Variants in KCNT2 observed in about 807,000 individuals in gnomAD.
KCNT2 encodes the protein potassium channel subfamily T member 2.
A neutral mutation model predicts 153.8 loss-of-function variants in KCNT2; 67 were observed. That is an observed-to-expected ratio of 0.44 (90% CI 0.36 to 0.53). The LOEUF (loss-of-function observed/expected upper bound fraction) is 0.53. Ranked by LOEUF, KCNT2 falls within the 20% of genes least tolerant of loss-of-function variation. The pLI is 0.00. For missense variants in KCNT2, 975 were observed against 1,354.8 expected (o/e 0.72, Z 4.40); for synonymous variants, 500 against 458.8 (o/e 1.09, Z -1.15).
chr1:196,589,925 T>C (rs538332155), intron 1 of KCNT2, among the ~76,000 whole-genome samples: 22 of 152,312 alleles, frequency 1.4e-4, no homozygotes, highest in Middle Eastern at 3.4e-3. Context: ...ACTTTCCTCT[T>C]GCTTTTTTCA....
chr1:196,338,276 A>G (rs1572089231), intron 16 of KCNT2, among the ~76,000 whole-genome samples: 1 of 152,088 alleles, frequency 6.6e-6, no homozygotes, highest in South Asian at 2.1e-4. Context: ...AAAATATATT[A>G]GTGAAGATTG....
chr1:196,434,438 C>A (rs1410169861), intron 8 of KCNT2, among the ~76,000 whole-genome samples: 2 of 151,878 alleles, frequency 1.3e-5, no homozygotes, highest in Admixed American at 6.6e-5. Flanking sequence ...CCAAAAAAGT[C>A]TCCTACTGTG....
chr1:196,543,504 C>A (rs1180495449), intron 1 of KCNT2, among the ~76,000 whole-genome samples: 1 of 151,998 alleles, frequency 6.6e-6, no homozygotes, highest in African/African-American at 2.4e-5. Flanking sequence ...AAAAGAAAAT[C>A]TTGGGAAATA....
intron 13 of KCNT2, among the ~76,000 whole-genome samples, chr1:196,377,264 C>A (rs965466805): frequency 6.6e-6 from 1 of 151,776 alleles, no homozygotes. Flanking sequence ...GATAGTATGA[C>A]CAAGCAGTGT....
intron 1 of KCNT2, among the ~76,000 whole-genome samples, chr1:196,559,022 T>A (rs1659048973): frequency 6.6e-6 from 1 of 151,378 alleles, no homozygotes; most frequent in Non-Finnish European, 1.5e-5. Flanking sequence ...CTAAATTTGT[T>A]TTAAAAGGTA....
intron 8 of KCNT2, among the ~76,000 whole-genome samples, chr1:196,435,139 GTATA>G (rs1166021273): frequency 0.048 from 2,180 of 45,588 alleles, 59 homozygotes; most frequent in African/African-American, 0.11. Context: ...GTGTGTGTAT[GTATA>G]TATATATATA....
intron 1 of KCNT2, among the ~76,000 whole-genome samples, chr1:196,546,886 G>A (rs1174936777): frequency 1.3e-5 from 2 of 151,844 alleles, no homozygotes; most frequent in Non-Finnish European, 2.9e-5. Flanking sequence ...CACATATTCT[G>A]GTAAAGGTAC....
chr1:196,350,582 C>A (rs922500692), intron 14 of KCNT2, among the ~76,000 whole-genome samples: 5 of 152,124 alleles, frequency 3.3e-5, no homozygotes, highest in African/African-American at 1.2e-4. Flanking sequence ...TGTTTGAGTT[C>A]ATTGTAGATT....
At chr1:196,469,782 A>C (rs1216438581) in intron 5 of KCNT2, among the ~76,000 whole-genome samples, 1 of 152,208 alleles carries the variant, frequency 6.6e-6, no homozygotes, top group Non-Finnish European at 1.5e-5. Flanking sequence ...TAACATTAAG[A>C]GGTCACCACT....
At chr1:196,559,013 T>C (rs1659048059) in intron 1 of KCNT2, among the ~76,000 whole-genome samples, 1 of 151,366 alleles carries the variant, frequency 6.6e-6, no homozygotes, top group South Asian at 2.1e-4. Flanking sequence ...AAGTCACACC[T>C]AAATTTGTTT....
chr1:196,385,841 T>C (rs1161211316), intron 13 of KCNT2, among the ~76,000 whole-genome samples: 3 of 151,846 alleles, frequency 2.0e-5, no homozygotes, highest in African/African-American at 7.3e-5. Context: ...ATATAATCTG[T>C]CTGTGGTAGC....
chr1:196,310,990 G>A lies in KCNT2; in HGVS notation c.2483+4902C>T, dbSNP rs150572624. ...GTCACTACCAGGATCTCAGAGCTTCGTATATGCTGCCGCCATATGGAATGT... is the reference window on the plus strand; with the variant it reads ...GTCACTACCAGGATCTCAGAGCTTCATATATGCTGCCGCCATATGGAATGT... On this transcript the variant is annotated intron_variant, in intron 21 of 27. Transcript: ENST00000294725. 1.7e-3 allele frequency among the ~76,000 whole-genome samples: 256 copies of A among 151,780 alleles called. 1 individual carries two copies. Among genetic ancestry groups the A allele is most frequent in the African/African-American group, 5.5e-3 (228 of 41,444 alleles).
At chr1:196,403,770 G>T (rs1241808515) in intron 12 of KCNT2, among the ~76,000 whole-genome samples, 1 of 151,524 alleles carries the variant, frequency 6.6e-6, no homozygotes, top group Non-Finnish European at 1.5e-5. Context: ...TAAAAAGTAA[G>T]TGAGAAAAGC....
At chr1:196,244,055 C>T (rs1182086609) in intron 26 of KCNT2, among the ~76,000 whole-genome samples, 3 of 152,046 alleles carry the variant, frequency 2.0e-5, no homozygotes, top group South Asian at 2.1e-4. Context: ...ATTCCAGGCT[C>T]TAGCTCCCAG....
intron 26 of KCNT2, among the ~76,000 whole-genome samples, chr1:196,240,604 G>T (rs914914345): frequency 6.6e-6 from 1 of 151,938 alleles, no homozygotes; most frequent in Non-Finnish European, 1.5e-5. Flanking sequence ...CAGATAGAAG[G>T]GCAAATGGCA....
intron 12 of KCNT2, among the ~76,000 whole-genome samples, chr1:196,412,841 C>T (rs1227842830): frequency 6.6e-6 from 1 of 151,642 alleles, no homozygotes; most frequent in Non-Finnish European, 1.5e-5. Context: ...TAAATAATGG[C>T]AGACATCCTC....
chr1:196,507,470 A>G (rs915057688), intron 1 of KCNT2, among the ~76,000 whole-genome samples: 1 of 152,098 alleles, frequency 6.6e-6, no homozygotes, highest in African/African-American at 2.4e-5. Context: ...GATAATTTCA[A>G]AGGTTGTGGT....
intron 1 of KCNT2, among the ~76,000 whole-genome samples, chr1:196,594,271 G>T (rs1663780112): frequency 6.6e-6 from 1 of 152,116 alleles, no homozygotes; most frequent in South Asian, 2.1e-4. Flanking sequence ...AGCTCCTTGT[G>T]AATATTAAAT....
intron 8 of KCNT2, among the ~76,000 whole-genome samples, chr1:196,450,592 A>G (rs754358508): frequency 2.4e-4 from 36 of 151,698 alleles, no homozygotes; most frequent in Admixed American, 3.9e-4. Flanking sequence ...CACACCTTAT[A>G]TCTAGTTTGT....
Sources: allele counts gnomAD v4.1 joint callset (sites outside exome capture counted in the v4.1 genomes callset), GRCh38; gene constraint gnomAD v4.1.1; transcripts MANE v1.5; gene names NCBI Gene and HGNC (gene_info 2026-07-23, HGNC 2026-07-21).